EXOC6B: variants seen among roughly 807,000 people sequenced by gnomAD.
EXOC6B encodes SEC15 homolog B.
EXOC6B carries 54 observed loss-of-function variants against 113.5 expected under a neutral mutation model. That is an observed-to-expected ratio of 0.48 (90% CI 0.38 to 0.60). The LOEUF (loss-of-function observed/expected upper bound fraction) is 0.60. Among genes scored for constraint, EXOC6B ranks in the 20% least tolerant of loss-of-function variants. EXOC6B has a pLI of 0.00. For synonymous variants in EXOC6B, 357 were observed against 339.0 expected, an observed-to-expected ratio of 1.05 and a Z score of -0.58; for missense variants, 797 against 977.5, an observed-to-expected ratio of 0.82 and a Z score of 2.46.
chr2:72,465,954 C>G (rs1698023576), intron 17 of EXOC6B, among the ~76,000 whole-genome samples: 1 of 152,114 alleles, frequency 6.6e-6, no homozygotes, highest in South Asian at 2.1e-4. Context: ...CAATAGCTTC[C>G]AGTATCTCTA....
In EXOC6B at chr2:72,525,639, C is replaced by G. The variant is rs114291277; in HGVS notation, c.916-10513G>C. 4.9e-3 allele frequency among the ~76,000 whole-genome samples: 748 copies of G among 152,142 alleles called. 11 individuals carry two copies. Among genetic ancestry groups the G allele is most frequent in the African/African-American group, 0.017 (695 of 41,508 alleles). On this transcript the variant is annotated intron_variant, in intron 8 of 21. Transcript: ENST00000272427. ...TGCATATAACTGTGCACCTTAATTA[C>G]CTAATTATTCAAAGAATATGATTTA...
At chr2:72,417,722 G>T (rs899848042) in intron 18 of EXOC6B, among the ~76,000 whole-genome samples, 4 of 151,874 alleles carry the variant, frequency 2.6e-5, no homozygotes, top group African/African-American at 9.7e-5. Context: ...TAATCCTCCT[G>T]GTGTGTTGTA....
At chr2:72,209,223 C>CAAAAAAAAAAAAAAAAACAAAAAAAA in intron 20 of EXOC6B, among the ~76,000 whole-genome samples, 1 of 57,104 alleles carries the variant, frequency 1.8e-5, no homozygotes, top group Non-Finnish European at 3.3e-5. Context: ...AACTCAGTCT[C>CAAAAAAAAAAAAAAAAACAAAAAAAA]AAAAAAAAAA....
intron 1 of EXOC6B, among the ~76,000 whole-genome samples, chr2:72,820,402 TA>T: frequency 6.6e-6 from 1 of 152,182 alleles, no homozygotes; most frequent in African/African-American, 2.4e-5. Flanking sequence ...ACTGTATCAT[TA>T]ATATACTTTA....
chr2:72,201,518 T>G (rs532118986), intron 20 of EXOC6B, among the ~76,000 whole-genome samples: 1 of 152,158 alleles, frequency 6.6e-6, no homozygotes, highest in Admixed American at 6.5e-5. Flanking sequence ...AAAACTCAGA[T>G]GATTAGTTCA....
chr2:72,575,150 G>T (rs989304493), intron 7 of EXOC6B, among the ~76,000 whole-genome samples: 1 of 152,048 alleles, frequency 6.6e-6, no homozygotes, highest in African/African-American at 2.4e-5. Context: ...TGGACTAACC[G>T]TTGCAGTTTC....
intron 1 of EXOC6B, among the ~76,000 whole-genome samples, chr2:72,818,351 C>T (rs1297101654): frequency 3.4e-5 from 4 of 119,088 alleles, no homozygotes; most frequent in Non-Finnish European, 5.2e-5. Flanking sequence ...TTAGTAGAAA[C>T]GGGGTTTCAC....
intron 1 of EXOC6B, among the ~76,000 whole-genome samples, chr2:72,804,478 G>A (rs1247446899): frequency 6.6e-6 from 1 of 151,922 alleles, no homozygotes; most frequent in Non-Finnish European, 1.5e-5. Context: ...GGAACCTAAT[G>A]GTGCAAAACA....
Position 72,285,441 on chromosome 2 carries a change from G to T in EXOC6B, c.2196+49506C>A, listed in dbSNP as rs1437869772. Reference sequence around the variant, plus strand: ...AAACTGTACAATCACATGAACGAAAGAAAAGAATCTAGACACAAACTCACA... The same window carrying T: ...AAACTGTACAATCACATGAACGAAATAAAAGAATCTAGACACAAACTCACA... On this transcript the variant is annotated intron_variant, in intron 20 of 21. Coordinates refer to ENST00000272427, the MANE Select transcript of EXOC6B (RefSeq NM_015189.3). Among the ~76,000 whole-genome samples, 3 of 152,104 alleles carry T rather than the reference G, an allele frequency of 2.0e-5. No individual in the cohort carries two copies. The East Asian group carries it at 5.8e-4, about 29-fold the overall frequency.
At chr2:72,772,213 C>G (rs1683443464) in intron 1 of EXOC6B, among the ~76,000 whole-genome samples, 1 of 152,174 alleles carries the variant, frequency 6.6e-6, no homozygotes, top group Non-Finnish European at 1.5e-5. Flanking sequence ...ACCCCAGCCC[C>G]AGGCCTCCCC....
intron 18 of EXOC6B, among the ~76,000 whole-genome samples, chr2:72,401,590 T>C (rs1471869666): frequency 9.3e-5 from 4 of 42,784 alleles, no homozygotes; most frequent in Non-Finnish European, 1.4e-4. Flanking sequence ...TACATATATA[T>C]ATATATATAT....
intron 5 of EXOC6B, among the ~76,000 whole-genome samples, chr2:72,729,440 T>A (rs918609733): frequency 1.3e-5 from 2 of 150,240 alleles, no homozygotes; most frequent in Non-Finnish European, 3.0e-5. Context: ...TGAGACAGAT[T>A]CACTCTGTCA....
intron 20 of EXOC6B, among the ~76,000 whole-genome samples, chr2:72,249,824 T>C (rs1340770754): frequency 1.3e-5 from 2 of 152,224 alleles, no homozygotes; most frequent in African/African-American, 4.8e-5. Flanking sequence ...ATTTACCTAA[T>C]TAATAGCTGG....
intron 6 of EXOC6B, among the ~76,000 whole-genome samples, chr2:72,671,215 G>A (rs1675768490): frequency 6.6e-6 from 1 of 152,098 alleles, no homozygotes; most frequent in African/African-American, 2.4e-5. Context: ...CAATCAAGAA[G>A]GTGAAGAGAC....
At chr2:72,664,439 T>C (rs1675246840) in intron 6 of EXOC6B, among the ~76,000 whole-genome samples, 1 of 152,062 alleles carries the variant, frequency 6.6e-6, no homozygotes, top group South Asian at 2.1e-4. Context: ...GGCCCACTCT[T>C]GCCACGAAAC....
At chr2:72,559,690 G>A (rs990817224) in intron 7 of EXOC6B, among the ~76,000 whole-genome samples, 169 bp from the exon 8 acceptor site, 64 of 152,126 alleles carry the variant, frequency 4.2e-4, no homozygotes, top group Non-Finnish European at 7.4e-5. Context: ...TAGTTCTTAT[G>A]TTTTAGCCAT....
chr2:72,513,352 G>A, intron 10 of EXOC6B, 100 bp from the exon 11 acceptor site: 1 of 1,431,096 alleles, frequency 7.0e-7, no homozygotes, highest in South Asian at 1.3e-5. Flanking sequence ...CAAATGCAAA[G>A]TTAGTGGTCA....
intron 1 of EXOC6B, among the ~76,000 whole-genome samples, chr2:72,813,000 C>T (rs987225659): frequency 2.6e-5 from 4 of 152,096 alleles, no homozygotes; most frequent in African/African-American, 9.7e-5. Flanking sequence ...ACCACATATC[C>T]AATAGACTAG....
At chr2:72,535,483 G>C (rs1702241674) in intron 8 of EXOC6B, among the ~76,000 whole-genome samples, 1 of 152,052 alleles carries the variant, frequency 6.6e-6, no homozygotes, top group Non-Finnish European at 1.5e-5. Flanking sequence ...CTCTAAAATG[G>C]GTAAGGAAAA....
Sources: gnomAD v4.1 joint callset for allele counts (sites outside exome capture counted in the v4.1 genomes callset) on GRCh38, gnomAD v4.1.1 for gene constraint, MANE v1.5 for transcripts, NCBI Gene and HGNC (gene_info 2026-07-23, HGNC 2026-07-21) for gene names.